BRD10: variants seen among roughly 807,000 people sequenced by gnomAD.
BRD10 encodes the protein uncharacterized bromodomain-containing protein 10.
chr9:6,000,786 T>C, the BRD10 span, among the ~76,000 whole-genome samples: 3 of 152,236 alleles, frequency 2.0e-5, no homozygotes, highest in African/African-American at 7.2e-5. Flanking sequence ...TTAATATACA[T>C]TATACATATT....
the BRD10 span, among the ~76,000 whole-genome samples, chr9:5,897,030 C>T: frequency 2.0e-4 from 30 of 152,306 alleles, 1 homozygote; most frequent in South Asian, 6.0e-3. Flanking sequence ...GTCATGTATC[C>T]TCTGCCTTTT....
the BRD10 span, among the ~76,000 whole-genome samples, chr9:5,904,130 A>ATT: frequency 2.0e-5 from 3 of 152,074 alleles, no homozygotes; most frequent in Non-Finnish European, 4.4e-5. Context: ...AGTGCTTGGG[A>ATT]TTACAGGTGT....
At chr9:5,951,299 C>G in the BRD10 span, among the ~76,000 whole-genome samples, 4 of 146,730 alleles carry the variant, frequency 2.7e-5, no homozygotes, top group African/African-American at 1.0e-4. Context: ...CAGCTGAGGT[C>G]AAAACATTTT....
the BRD10 span, chr9:5,906,993 C>A: frequency 1.5e-5 from 24 of 1,587,676 alleles, no homozygotes; most frequent in Non-Finnish European, 2.0e-5. Context: ...AAACTGTGAA[C>A]CTGTGGTAGG....
At chr9:5,911,405 G>GTT in the BRD10 span, among the ~76,000 whole-genome samples, 22,846 of 103,344 alleles carry the variant, frequency 0.22, 2,298 homozygotes, top group Middle Eastern at 0.37. Flanking sequence ...GTCTATGTGT[G>GTT]TTTTTTTTTT....
At chr9:5,881,529 G>C in the BRD10 span, 1 of 152,340 alleles carries the variant, frequency 6.6e-6, no homozygotes, top group African/African-American at 2.4e-5. Flanking sequence ...CTCCCAGGTG[G>C]TGCTGGGGCC....
the BRD10 span, chr9:6,008,122 C>G: frequency 2.0e-6 from 2 of 984,110 alleles, no homozygotes; most frequent in Admixed American, 6.2e-5. Flanking sequence ...CCAGGCCCTG[C>G]CGGGTCGCCG....
chr9:5,921,066 C>G, the BRD10 span: 2 of 1,613,918 alleles, frequency 1.2e-6, no homozygotes, highest in Non-Finnish European at 1.7e-6. Flanking sequence ...GCTGAAGAAA[C>G]CACTGATTCA....
the BRD10 span, among the ~76,000 whole-genome samples, chr9:5,880,078 C>G: frequency 6.6e-6 from 1 of 151,914 alleles, no homozygotes; most frequent in Non-Finnish European, 1.5e-5. Context: ...CAGCACCATG[C>G]CCAGCTAACT....
chr9:5,922,442 T>C, the BRD10 span: 2 of 1,614,040 alleles, frequency 1.2e-6, no homozygotes, highest in Admixed American at 1.7e-5. Context: ...CGACAAAGGC[T>C]GTGGTCTAGC....
chr9:6,008,296 G>A, the BRD10 span: 4 of 985,032 alleles, frequency 4.1e-6, no homozygotes, highest in Non-Finnish European at 4.8e-6. Context: ...GGGGACACGG[G>A]CAGAAGGAGG....
chr9:5,935,116 G>A, the BRD10 span, among the ~76,000 whole-genome samples: 8 of 152,040 alleles, frequency 5.3e-5, no homozygotes, highest in African/African-American at 1.7e-4. Flanking sequence ...TATGAAAAAA[G>A]TTAAAAAGTA....
chr9:5,956,901 T>C, the BRD10 span, among the ~76,000 whole-genome samples: 1 of 152,106 alleles, frequency 6.6e-6, no homozygotes, highest in Non-Finnish European at 1.5e-5. Context: ...CACACATAAG[T>C]TCTAAGAAGT....
At chr9:5,994,905 T>TTTTTTTC in the BRD10 span, among the ~76,000 whole-genome samples, 1 of 104,828 alleles carries the variant, frequency 9.5e-6, no homozygotes, top group African/African-American at 3.1e-5. Flanking sequence ...ATTTTTCTTT[T>TTTTTTTC]TTTTTTTTTT....
the BRD10 span, among the ~76,000 whole-genome samples, chr9:5,938,045 T>C: frequency 0.04 from 6,137 of 152,280 alleles, 174 homozygotes; most frequent in Non-Finnish European, 0.058. Context: ...AAACAACATA[T>C]TAATATAAAC....
the BRD10 span, among the ~76,000 whole-genome samples, chr9:5,936,275 G>A: frequency 6.6e-6 from 1 of 152,152 alleles, no homozygotes; most frequent in Non-Finnish European, 1.5e-5. Flanking sequence ...AGGACTGCTT[G>A]AGCCTGGAGG....
At chr9:5,909,447 G>C in the BRD10 span, 1 of 152,118 alleles carries the variant, frequency 6.6e-6, no homozygotes. Flanking sequence ...TAGTAGAGAC[G>C]GGGTTTCTCC....
chr9:5,999,286 T>G, the BRD10 span, among the ~76,000 whole-genome samples: 1 of 152,074 alleles, frequency 6.6e-6, no homozygotes, highest in Admixed American at 6.6e-5. Context: ...ATCTAGCATA[T>G]TATCTCAATT....
the BRD10 span, chr9:5,920,929 T>A: frequency 4.3e-5 from 70 of 1,613,844 alleles, no homozygotes; most frequent in Non-Finnish European, 5.7e-5. Flanking sequence ...GCATAATTCT[T>A]GAAGAGGTAT....
Sources: gnomAD v4.1 joint callset for allele counts (sites outside exome capture counted in the v4.1 genomes callset) on GRCh38, gnomAD v4.1.1 for gene constraint, MANE v1.5 for transcripts, NCBI Gene and HGNC (gene_info 2026-07-23, HGNC 2026-07-21) for gene names.